The following ITPR2 variants were observed in gnomAD, a reference collection of about 807,000 sequenced individuals.
The protein encoded by ITPR2 is inositol 1,4,5-trisphosphate receptor type 2, also known as inositol 1,4,5-trisphosphate-gated calcium channel ITPR2.
A neutral mutation model predicts 317.1 loss-of-function variants in ITPR2; 207 were observed. The ratio of observed to expected loss-of-function variants is 0.65; its 90% CI spans 0.58 to 0.73. The LOEUF (loss-of-function observed/expected upper bound fraction) is 0.73. Among genes scored for constraint, ITPR2 ranks in the 30% least tolerant of loss-of-function variants. ITPR2 has a pLI of 0.00. For missense variants in ITPR2, 2,613 were observed against 3,284.0 expected, an observed-to-expected ratio of 0.80 and a Z score of 4.99; for synonymous variants, 1,156 against 1,149.1, an observed-to-expected ratio of 1.01 and a Z score of -0.12.
chr12:26,492,092 C>A (rs1242614875), intron 39 of ITPR2, among the ~76,000 whole-genome samples: 1 of 152,052 alleles, frequency 6.6e-6, no homozygotes, highest in Non-Finnish European at 1.5e-5. Context: ...TTGCAGAAGG[C>A]TAAGAAGAAA....
chr12:26,597,884 TTTTTTTCTCTAG>T (rs1591945406), intron 30 of ITPR2, among the ~76,000 whole-genome samples: 2 of 152,168 alleles, frequency 1.3e-5, no homozygotes, highest in East Asian at 3.8e-4. Context: ...GGACATACAA[TTTTTTTCTCTAG>T]GTATTATATT....
chr12:26,682,609 T>C lies in ITPR2; in HGVS notation c.1213A>G (p.Ile405Val), dbSNP rs775450211. The C allele has an allele frequency of 6.2e-6, 10 of 1,612,890 alleles. No individual in the cohort carries two copies. Among genetic ancestry groups the C allele is most frequent in the Non-Finnish European group, 3.4e-6 (4 of 1,179,186 alleles). Reference protein sequence around the residue: ...NTWVTSTSIPIDTDEERPVML... With the variant: ...NTWVTSTSIPVDTDEERPVML... ...ACAGGCCTCTCTTCATCTGTGTCTA[T>C]GGGGATACTAGTACTGGTTACCCAT... The change falls in exon 12 of 57, where the codon ATA (isoleucine) becomes GTA (valine). Residue 405 changes from isoleucine (I) to valine (V), a missense_variant. Physicochemically the swap from Ile to Val is conservative, Grantham distance 29. Around this residue, in one of 9 missense-constraint regions of ITPR2, gnomAD observed 515 missense variants for 789.4 expected, o/e 0.65. Transcript: ENST00000381340.
chr12:26,487,301 G>T, intron 39 of ITPR2, 50 bp from the exon 40 acceptor site: 2 of 1,353,482 alleles, frequency 1.5e-6, no homozygotes. Flanking sequence ...GAGACAAATG[G>T]TGTTTTTATG....
intron 21 of ITPR2, chr12:26,649,267 C>A (rs1457504391): frequency 6.6e-6 from 1 of 152,038 alleles, no homozygotes; most frequent in Non-Finnish European, 1.5e-5. Context: ...AAAGTTGGTT[C>A]TAGACATCAT....
intron 37 of ITPR2, among the ~76,000 whole-genome samples, chr12:26,541,936 A>G (rs1184217658): frequency 2.6e-5 from 4 of 152,204 alleles, no homozygotes; most frequent in African/African-American, 9.6e-5. Flanking sequence ...CATTTCTTAA[A>G]GATCTTTATT....
intron 37 of ITPR2, among the ~76,000 whole-genome samples, chr12:26,517,508 C>T (rs919842032): frequency 2.6e-5 from 4 of 152,068 alleles, no homozygotes; most frequent in African/African-American, 9.7e-5. Context: ...ATAACAATTA[C>T]ACCAGTCAGA....
intron 37 of ITPR2, among the ~76,000 whole-genome samples, chr12:26,531,048 C>G (rs573048317): frequency 6.6e-6 from 1 of 152,236 alleles, no homozygotes; most frequent in South Asian, 2.1e-4. Context: ...TAAAATAAAT[C>G]AATTACAGTA....
chr12:26,755,441 T>C (rs758016652), intron 2 of ITPR2, among the ~76,000 whole-genome samples: 2 of 152,228 alleles, frequency 1.3e-5, no homozygotes, highest in East Asian at 1.9e-4. Flanking sequence ...ACTGAACCAA[T>C]AGAAGTCTAA....
intron 9 of ITPR2, among the ~76,000 whole-genome samples, chr12:26,708,077 T>G (rs770930706): frequency 2.0e-5 from 3 of 152,096 alleles, no homozygotes; most frequent in Non-Finnish European, 2.9e-5. Flanking sequence ...AAAATGACTA[T>G]TATCCAAAAG....
intron 40 of ITPR2, 28 bp from the exon 41 acceptor site, chr12:26,486,388 T>A (rs778064083): frequency 6.4e-7 from 1 of 1,553,080 alleles, no homozygotes; most frequent in Non-Finnish European, 8.7e-7. Flanking sequence ...CTTTTATATT[T>A]CTGAACCAAT....
intron 3 of ITPR2, among the ~76,000 whole-genome samples, chr12:26,725,362 A>T (rs920094799): frequency 6.6e-6 from 1 of 152,132 alleles, no homozygotes; most frequent in African/African-American, 2.4e-5. Flanking sequence ...ATATAACTGG[A>T]TTTAATATTC....
At chr12:26,715,679 G>A in intron 7 of ITPR2, 73 bp downstream of exon 7, 2 of 993,558 alleles carry the variant, frequency 2.0e-6, no homozygotes, top group South Asian at 1.5e-5. Flanking sequence ...TGAATACATA[G>A]GTTTTGCATC....
chr12:26,543,593 G>A (rs1278538872), intron 37 of ITPR2, among the ~76,000 whole-genome samples: 1 of 152,120 alleles, frequency 6.6e-6, no homozygotes, highest in Non-Finnish European at 1.5e-5. Flanking sequence ...GACCAAGATG[G>A]TGAAACCCTG....
chr12:26,588,928 A>T (rs1945611697), intron 32 of ITPR2, among the ~76,000 whole-genome samples: 2 of 152,234 alleles, frequency 1.3e-5, no homozygotes, highest in South Asian at 4.1e-4. Context: ...AAACATCTTC[A>T]AAGAAAAAAT....
At chr12:26,667,384 C>T (rs556922735) in intron 13 of ITPR2, among the ~76,000 whole-genome samples, 4 of 152,278 alleles carry the variant, frequency 2.6e-5, no homozygotes, top group Admixed American at 1.3e-4. Flanking sequence ...AAACTCCATT[C>T]CAAAATTCCT....
chr12:26,479,112 G>T (rs1942486091), intron 43 of ITPR2, among the ~76,000 whole-genome samples: 1 of 145,124 alleles, frequency 6.9e-6, no homozygotes, highest in Admixed American at 7.0e-5. Flanking sequence ...CTCAAAGATT[G>T]TTTAGAAAAC....
At chr12:26,749,082 C>T (rs1224740836) in intron 2 of ITPR2, among the ~76,000 whole-genome samples, 2 of 152,194 alleles carry the variant, frequency 1.3e-5, no homozygotes, top group African/African-American at 4.8e-5. Context: ...CAAATACCTG[C>T]AGTCTTTCTT....
intron 9 of ITPR2, among the ~76,000 whole-genome samples, chr12:26,697,045 C>A (rs1948364901): frequency 6.6e-6 from 1 of 152,120 alleles, no homozygotes; most frequent in South Asian, 2.1e-4. Flanking sequence ...CATGATGATG[C>A]AGAAATAGCA....
chr12:26,782,724 C>T (rs973380435), intron 2 of ITPR2, among the ~76,000 whole-genome samples: 1 of 152,186 alleles, frequency 6.6e-6, no homozygotes, highest in Non-Finnish European at 1.5e-5. Flanking sequence ...CATGTGATGA[C>T]CAAATAATAA....
Sources: allele counts gnomAD v4.1 joint callset (sites outside exome capture counted in the v4.1 genomes callset), GRCh38; gene constraint gnomAD v4.1.1; regional missense constraint gnomAD v4.1.1; transcripts MANE v1.5; gene names NCBI Gene and HGNC (gene_info 2026-07-23, HGNC 2026-07-21).